The following AGAP1 variants were observed in gnomAD, a reference collection of about 807,000 sequenced individuals.
AGAP1 encodes arf-GAP with GTPase, ANK repeat and PH domain-containing protein 1.
AGAP1 carries 29 observed loss-of-function variants against 105.3 expected under a neutral mutation model. That is an observed-to-expected ratio of 0.28 (90% CI 0.21 to 0.38). AGAP1 has a LOEUF of 0.38. AGAP1 is among the 10% of genes least tolerant of loss of function. The pLI is 1.00. For missense variants in AGAP1, 998 were observed against 1,165.1 expected (o/e 0.86, Z 2.09); for synonymous variants, 509 against 485.9 (o/e 1.05, Z -0.63).
rs1267780721 is a variant in AGAP1 at position 235,959,347 on chromosome 2, TG to T, written c.1484-9113del. ...TACCTTGTCAGGCGAGGGGAGTAGT[TG>T]GAATGGAAAAGCACAGCGTGGAAGC... On this transcript the variant is annotated intron_variant, in intron 12 of 17. Transcript: ENST00000304032. The surrounding 1 kb of genome is among the most constrained non-coding windows in gnomAD (Gnocchi z 7.3). 3.3e-5 allele frequency among the ~76,000 whole-genome samples: 5 copies of T among 152,232 alleles called. No individual in the cohort carries two copies. Among genetic ancestry groups the T allele is most frequent in the African/African-American group, 1.2e-4 (5 of 41,550 alleles).
chr2:236,103,646 A>G lies in AGAP1; in HGVS notation c.2115-16546A>G, dbSNP rs183892042. ...GTGCAATGGCGTGGTCTCGGCTCACAGTAACCTCCACCTCCTGGGTTCAAG... is the reference window on the plus strand; with the variant it reads ...GTGCAATGGCGTGGTCTCGGCTCACGGTAACCTCCACCTCCTGGGTTCAAG... On this transcript the variant is annotated intron_variant, in intron 16 of 17. Coordinates refer to ENST00000304032, the MANE Select transcript of AGAP1 (RefSeq NM_001037131.3). Among the ~76,000 whole-genome samples, 771 of 150,608 alleles carry G rather than the reference A, an allele frequency of 5.1e-3. 9 individuals carry two copies. Among genetic ancestry groups the G allele is most frequent in the Non-Finnish European group, 6.5e-3 (438 of 67,766 alleles).
rs541742654 is a variant in AGAP1, at chr2:235,569,683, T to G, written c.163+74834T>G. 4.6e-5 allele frequency among the ~76,000 whole-genome samples: 7 copies of G among 152,282 alleles called. No individual in the cohort carries two copies. The highest frequency in any genetic ancestry group is 2.0e-4 in the Admixed American group (3 of 15,306). ...TGTGCCCCTGTGTGAGGGTTTGTAG[T>G]CTTACACCTTTGCCAAACCCTTTCT... is the stretch of plus-strand genomic sequence containing the variant. On this transcript the variant is annotated intron_variant, in intron 1 of 17. Coordinates refer to ENST00000304032, the MANE Select transcript of AGAP1 (RefSeq NM_001037131.3). The surrounding 1 kb of genome is among the most constrained non-coding windows in gnomAD (Gnocchi z 5.9).
chr2:235,709,600 A>AC (rs1950735143), intron 2 of AGAP1, among the ~76,000 whole-genome samples: 1 of 151,606 alleles, frequency 6.6e-6, no homozygotes, highest in Non-Finnish European at 1.5e-5. Context: ...CCACACACAC[A>AC]CACCCCCATG....
chr2:235,688,743 T>C (rs1407297576), intron 1 of AGAP1, among the ~76,000 whole-genome samples: 1 of 152,168 alleles, frequency 6.6e-6, no homozygotes, highest in African/African-American at 2.4e-5. Context: ...CATTTTGCAT[T>C]GGAGGAAATG....
chr2:235,895,526 C>A (rs1400486337), intron 10 of AGAP1, among the ~76,000 whole-genome samples: 1 of 152,212 alleles, frequency 6.6e-6, no homozygotes, highest in East Asian at 1.9e-4. Flanking sequence ...GGCTTAAATG[C>A]TACTTCCTCT....
chr2:235,761,793 A>G (rs1179648556), intron 6 of AGAP1, among the ~76,000 whole-genome samples: 10 of 138,556 alleles, frequency 7.2e-5, no homozygotes. Context: ...GAAGTTTTTT[A>G]TAATTTTTTT....
At chr2:235,536,179 A>ACACG (rs59913364) in intron 1 of AGAP1, among the ~76,000 whole-genome samples, 1 of 87,278 alleles carries the variant, frequency 1.1e-5, no homozygotes, top group South Asian at 4.4e-4. Flanking sequence ...ACACACACAC[A>ACACG]GCAGGACCCC....
chr2:236,010,165 A>G (rs919571563), intron 13 of AGAP1, among the ~76,000 whole-genome samples: 2 of 152,102 alleles, frequency 1.3e-5, no homozygotes, highest in African/African-American at 4.8e-5. Context: ...AACAAATTTT[A>G]TTTCAAAATA....
rs1945725883 is a variant in AGAP1, at chr2:235,601,381, C to G, written c.163+106532C>G. The stretch of plus-strand genomic sequence containing the variant: ...GTTGTATTAGTCTGTTGTCGTGCTG[C>G]TAATAAGCACATACCTGAGACTGGG... On this transcript the variant is annotated intron_variant, in intron 1 of 17. Transcript: ENST00000304032. This position sits in a 1 kb window ranked among gnomAD's most constrained non-coding sequence, Gnocchi z 4.4. Among the ~76,000 whole-genome samples, 1 of 152,132 alleles carries G rather than the reference C, an allele frequency of 6.6e-6. No individual in the cohort carries two copies. The highest frequency in any genetic ancestry group is 1.5e-5 in the Non-Finnish European group (1 of 68,036).
rs528064734 is a variant in AGAP1 at position 235,555,232 on chromosome 2, C to T, written c.163+60383C>T. 5.3e-5 allele frequency among the ~76,000 whole-genome samples: 8 copies of T among 152,254 alleles called. No homozygotes were observed. The East Asian group carries it at 1.5e-3, about 29-fold the overall frequency. ...CGCCCTGCAGTGCCATCCTTCTTGC[C>T]GCTCCCACCCACTTCTGTGATGCAC... On this transcript the variant is annotated intron_variant, in intron 1 of 17. Transcript: ENST00000304032. This position sits in a 1 kb window ranked among gnomAD's most constrained non-coding sequence, Gnocchi z 5.1.
chr2:235,579,622 AG>A (rs1429654968), intron 1 of AGAP1, among the ~76,000 whole-genome samples: 1 of 152,102 alleles, frequency 6.6e-6, no homozygotes, highest in East Asian at 1.9e-4. Context: ...AAAAATACAA[AG>A]AAATTAGCCG....
chr2:235,947,611 A>G (rs2053556082), intron 12 of AGAP1, among the ~76,000 whole-genome samples: 1 of 152,196 alleles, frequency 6.6e-6, no homozygotes, highest in Non-Finnish European at 1.5e-5. Context: ...GGACTGCTGG[A>G]TCAATGTTCT....
rs116838652 is a variant in AGAP1, at chr2:235,980,156, C to T, written c.1645+11533C>T. ...ATCAAGTGGCGCTGAATATTCCACG[C>T]GTTTTTGATCACACACTGATTGGGC... On this transcript the variant is annotated intron_variant, in intron 13 of 17. Transcript: ENST00000304032. Among the ~76,000 whole-genome samples the T allele has an allele frequency of 2.9e-3, 449 of 152,248 alleles. 1 individual carries two copies. The highest frequency in any genetic ancestry group is 4.9e-3 in the Non-Finnish European group (333 of 68,020).
At chr2:235,921,820 A>G (rs1252435665) in intron 11 of AGAP1, among the ~76,000 whole-genome samples, 1 of 152,222 alleles carries the variant, frequency 6.6e-6, no homozygotes, top group Non-Finnish European at 1.5e-5. Flanking sequence ...TAAGATACTG[A>G]ATGTGTCCTT....
chr2:235,903,968 A>G (rs904458601), intron 10 of AGAP1, among the ~76,000 whole-genome samples: 3 of 151,700 alleles, frequency 2.0e-5, no homozygotes, highest in South Asian at 2.1e-4. Flanking sequence ...AGGCAGCCCC[A>G]CAGAAGGCGG....
rs2054289788 is a variant in AGAP1, at chr2:235,963,991, A to T, written c.1484-4471A>T. On this transcript the variant is annotated intron_variant, in intron 12 of 17. Coordinates refer to ENST00000304032, the MANE Select transcript of AGAP1 (RefSeq NM_001037131.3). The surrounding 1 kb of genome is among the most constrained non-coding windows in gnomAD (Gnocchi z 5.1). ...ATAACGGAAGAGAGTTTATGATATA[A>T]TGCACCTACTGTAGGCTCAGCATTG... is the stretch of plus-strand genomic sequence containing the variant. 6.6e-6 allele frequency among the ~76,000 whole-genome samples: 1 copy of T among 152,190 alleles called. No homozygotes were observed. The highest frequency in any genetic ancestry group is 1.5e-5 in the Non-Finnish European group (1 of 68,048).
chr2:235,891,444 A>C lies in AGAP1; in HGVS notation c.1155+7995A>C, dbSNP rs571386992. On this transcript the variant is annotated intron_variant, in intron 10 of 17. Transcript: ENST00000304032. The surrounding 1 kb of genome is among the most constrained non-coding windows in gnomAD (Gnocchi z 4.2). ...GCTGGATCACAGTTCAGGTGGATCG[A>C]GGGCAGCCTGTTCTAAGACCCTGAG... Among the ~76,000 whole-genome samples, 48 of 152,300 alleles carry C rather than the reference A, an allele frequency of 3.2e-4. No homozygotes were observed. Among genetic ancestry groups the C allele is most frequent in the South Asian group, 2.1e-3 (10 of 4,814 alleles).
At chr2:236,041,323 C>A (rs1302144505) in intron 15 of AGAP1, among the ~76,000 whole-genome samples, 1 of 148,410 alleles carries the variant, frequency 6.7e-6, no homozygotes, top group African/African-American at 2.5e-5. Context: ...CCTAGAGATT[C>A]TTGGGTATTG....
intron 6 of AGAP1, among the ~76,000 whole-genome samples, chr2:235,765,891 C>T (rs1954911637): frequency 6.6e-6 from 1 of 152,212 alleles, no homozygotes; most frequent in African/African-American, 2.4e-5. Context: ...GTAGTGCTTA[C>T]ATTTCTGGCC....
Sources: gnomAD v4.1 joint callset for allele counts (sites outside exome capture counted in the v4.1 genomes callset) on GRCh38, gnomAD v4.1.1 for gene constraint, Gnocchi (gnomAD v3.1) non-coding constraint, MANE v1.5 for transcripts, NCBI Gene and HGNC (gene_info 2026-07-23, HGNC 2026-07-21) for gene names.